TENT4B: variants seen among roughly 807,000 people sequenced by gnomAD.
TENT4B encodes PAP associated domain containing 5.
Under a neutral mutation model 75.0 loss-of-function variants are expected in TENT4B, and 10 were observed. That is an observed-to-expected ratio of 0.13 (90% confidence interval 0.08 to 0.23). TENT4B has a LOEUF of 0.23. TENT4B is among the 10% of genes least tolerant of loss of function. TENT4B has a pLI of 1.00. For missense variants in TENT4B, 579 were observed against 893.8 expected, an observed-to-expected ratio of 0.65 and a Z score of 4.49; for synonymous variants, 350 against 357.7, an observed-to-expected ratio of 0.98 and a Z score of 0.24.
intron 1 of TENT4B, among the ~76,000 whole-genome samples, chr16:50,159,098 G>A (rs187802594): frequency 7.1e-4 from 108 of 152,260 alleles, no homozygotes; most frequent in African/African-American, 2.6e-3. Flanking sequence ...GTATCCTCTT[G>A]TATGTGCCAT....
intron 3 of TENT4B, among the ~76,000 whole-genome samples, chr16:50,215,129 C>G (rs2031484051): frequency 6.6e-6 from 1 of 152,226 alleles, no homozygotes; most frequent in Admixed American, 6.5e-5. Context: ...CTTGGAGGCT[C>G]TCTTTTGGGA....
chr16:50,225,182 A>G lies in TENT4B; in HGVS notation c.1697A>G (p.Lys566Arg), dbSNP rs895318361. 1.2e-6 allele frequency: 2 copies of G among 1,613,980 alleles called. No individual in the cohort carries two copies. Among genetic ancestry groups the G allele is most frequent in the Non-Finnish European group, 8.5e-7 (1 of 1,179,842 alleles). The change falls in exon 10 of 12, where the codon AAA (lysine) becomes AGA (arginine). Residue 566 changes from lysine (K) to arginine (R), a missense_variant. Lys to Arg is a conservative substitution (Grantham distance 26, BLOSUM62 2). This residue lies in a region of TENT4B where 164 missense variants were observed against 226.5 expected (regional missense o/e 0.72). Transcript: ENST00000561678. ...TCTGAAGAAAATGAAGCCCTTGGAA[A>G]ATGTAGAAGTAAAACCTCGGAATCT... Reference protein sequence around the residue: ...NLSEENEALGKCRSKTSESLS... With the variant: ...NLSEENEALGRCRSKTSESLS...
intron 1 of TENT4B, among the ~76,000 whole-genome samples, chr16:50,206,906 TTTG>T (rs1022908939): frequency 1.9e-3 from 14 of 7,256 alleles, no homozygotes; most frequent in Non-Finnish European, 3.2e-3. Context: ...AGAACAGAAG[TTTG>T]TTTTTTTTTT....
At chr16:50,202,773 A>G (rs773896210) in intron 1 of TENT4B, among the ~76,000 whole-genome samples, 3 of 152,190 alleles carry the variant, frequency 2.0e-5, no homozygotes, top group African/African-American at 4.8e-5. Flanking sequence ...TTTATAATCA[A>G]TTGAAAGTAG....
rs529345450 is a variant in TENT4B at position 50,197,445 on chromosome 16, C to T, written c.639-13878C>T. 7.9e-5 allele frequency among the ~76,000 whole-genome samples: 12 copies of T among 152,262 alleles called. No homozygotes were observed. In the South Asian group the frequency reaches 2.1e-3, roughly 26 times the overall value. Reference sequence around the variant, plus strand: ...CTGGGACTACAGGTGTGCACCACCACGCCTGGGTGATTTTTGTATTTTTTG... The same window carrying T: ...CTGGGACTACAGGTGTGCACCACCATGCCTGGGTGATTTTTGTATTTTTTG... On this transcript the variant is annotated intron_variant, in intron 1 of 11. Coordinates refer to ENST00000561678, the MANE Select transcript of TENT4B (RefSeq NM_001365324.3).
chr16:50,186,204 T>G (rs975482179), intron 1 of TENT4B, among the ~76,000 whole-genome samples: 1 of 152,136 alleles, frequency 6.6e-6, no homozygotes, highest in African/African-American at 2.4e-5. Flanking sequence ...AACAATAGTT[T>G]ATCACTCCTT....
At chr16:50,166,769 A>G (rs917804582) in intron 1 of TENT4B, among the ~76,000 whole-genome samples, 1 of 137,400 alleles carries the variant, frequency 7.3e-6, no homozygotes, top group African/African-American at 2.7e-5. Context: ...GCATGCCACC[A>G]TGCCTGGCTA....
At chr16:50,213,772 A>G (rs1407353501) in intron 2 of TENT4B, among the ~76,000 whole-genome samples, 1 of 152,240 alleles carries the variant, frequency 6.6e-6, no homozygotes, top group Non-Finnish European at 1.5e-5. Flanking sequence ...AATTATTTTA[A>G]AAATACAGTA....
chr16:50,232,635 T>C lies in TENT4B; in HGVS notation c.*3307T>C. 1.0e-6 allele frequency: 1 copy of C among 985,360 alleles called. No homozygotes were observed. The highest frequency in any genetic ancestry group is 1.2e-6 in the Non-Finnish European group (1 of 829,926). The allele number at this position is 985,360 out of a possible 1,614,324, so 61.0% of individuals were successfully genotyped here. On this transcript the variant is annotated 3_prime_UTR_variant, in exon 12 of 12. Coordinates refer to ENST00000561678, the MANE Select transcript of TENT4B (RefSeq NM_001365324.3). ...GGTCAGAAAAGAGTAATGACCACCG[T>C]GACGTGCAGGATTCTCTTGCTGTGA... is the stretch of plus-strand genomic sequence containing the variant.
chr16:50,228,219 A>T (rs2032143985), intron 11 of TENT4B, among the ~76,000 whole-genome samples: 1 of 152,294 alleles, frequency 6.6e-6, no homozygotes, highest in East Asian at 1.9e-4. Context: ...TCTCTTCAGG[A>T]ATCTATTGAC....
chr16:50,190,177 G>A (rs143454585), intron 1 of TENT4B, among the ~76,000 whole-genome samples: 19 of 151,884 alleles, frequency 1.3e-4, no homozygotes, highest in African/African-American at 4.1e-4. Flanking sequence ...AACATTGCTA[G>A]TATTGATATT....
rs2031390862 is a variant in TENT4B at position 50,213,423 on chromosome 16, G to C, written c.763-798G>C. Among the ~76,000 whole-genome samples the C allele has an allele frequency of 2.6e-5, 4 of 152,300 alleles. No homozygotes were observed. The South Asian group carries it at 8.3e-4, about 32-fold the overall frequency. ...GCCTGAGTTCCACCGTTCTCCATGGGTTGAGATGGAATGCATCCCAGTTTT... is the reference window on the plus strand; with the variant it reads ...GCCTGAGTTCCACCGTTCTCCATGGCTTGAGATGGAATGCATCCCAGTTTT... On this transcript the variant is annotated intron_variant, in intron 2 of 11. Transcript: ENST00000561678.
At chr16:50,209,711 C>T (rs1447211413) in intron 1 of TENT4B, among the ~76,000 whole-genome samples, 1 of 152,180 alleles carries the variant, frequency 6.6e-6, no homozygotes, top group African/African-American at 2.4e-5. Context: ...CTGAGAGTGC[C>T]AGTCACCTGT....
chr16:50,175,898 T>G (rs1206207079), intron 1 of TENT4B, among the ~76,000 whole-genome samples: 1 of 151,976 alleles, frequency 6.6e-6, no homozygotes, highest in Non-Finnish European at 1.5e-5. Context: ...TCTTCTTGCT[T>G]CAGCCTCCTG....
chr16:50,232,403 G>A lies in TENT4B; in HGVS notation c.*3075G>A. 1.0e-6 allele frequency: 1 copy of A among 985,248 alleles called. No individual in the cohort carries two copies. The highest frequency in any genetic ancestry group is 1.2e-6 in the Non-Finnish European group (1 of 829,914). 61.0% of individuals were successfully genotyped at this position (985,248 alleles called of 1,614,324 possible). ...CATTTTGAGCCTCATTAATATTTAG[G>A]TTATTTGATTTGGCTCCAGATATTC... On this transcript the variant is annotated 3_prime_UTR_variant, in exon 12 of 12. Transcript: ENST00000561678.
intron 5 of TENT4B, among the ~76,000 whole-genome samples, chr16:50,219,034 T>C (rs899404611): frequency 6.6e-6 from 1 of 152,190 alleles, no homozygotes; most frequent in Non-Finnish European, 1.5e-5. Context: ...CATAAATGTA[T>C]GGAAGACAGA....
intron 1 of TENT4B, among the ~76,000 whole-genome samples, chr16:50,158,702 T>C (rs1311580218): frequency 6.6e-6 from 1 of 152,136 alleles, no homozygotes; most frequent in Non-Finnish European, 1.5e-5. Flanking sequence ...TAGATGCTTT[T>C]TTAAGGCTTG....
rs1300125057 is a variant in TENT4B at position 50,230,682 on chromosome 16, A to G, written c.*1354A>G. On this transcript the variant is annotated 3_prime_UTR_variant, in exon 12 of 12. Transcript: ENST00000561678. ...ATCGTTAATTAAAACTTTTTTAAAC[A>G]TTGGCTTGTTTCAATCATACTGTAA... The G allele has an allele frequency of 6.1e-6, 6 of 985,524 alleles. No homozygotes were observed. Among genetic ancestry groups the G allele is most frequent in the Non-Finnish European group, 6.0e-6 (5 of 829,800 alleles). The allele number at this position is 985,524 out of a possible 1,614,324, so 61.0% of individuals were successfully genotyped here. A position where few individuals can be genotyped will look rare whatever the true frequency, so the allele number is the denominator to read the frequency against.
intron 1 of TENT4B, among the ~76,000 whole-genome samples, chr16:50,177,552 G>T (rs2038334317): frequency 6.6e-6 from 1 of 151,876 alleles, no homozygotes; most frequent in Non-Finnish European, 1.5e-5. Flanking sequence ...TTTGCTTTTG[G>T]TGTCCATAGG....
Sources: allele counts gnomAD v4.1 joint callset (sites outside exome capture counted in the v4.1 genomes callset), GRCh38; gene constraint gnomAD v4.1.1; regional missense constraint gnomAD v4.1.1; transcripts MANE v1.5; gene names NCBI Gene and HGNC (gene_info 2026-07-23, HGNC 2026-07-21).